PLCG2: variants seen among roughly 807,000 people sequenced by gnomAD.
The protein encoded by PLCG2 is phospholipase C gamma 2.
A neutral mutation model predicts 175.6 loss-of-function variants in PLCG2; 69 were observed. The observed-to-expected ratio is 0.39, with a 90% CI of 0.32 to 0.48. PLCG2 has a LOEUF of 0.48. Among genes scored for constraint, PLCG2 ranks in the 20% least tolerant of loss-of-function variants. The probability of loss-of-function intolerance (pLI) is 0.91; values close to 1 mark genes in which losing one functional copy is unlikely to be tolerated. For missense variants in PLCG2, 1,798 were observed against 1,650.9 expected, an observed-to-expected ratio of 1.09 and a Z score of -1.54; for synonymous variants, 827 against 624.0, an observed-to-expected ratio of 1.33 and a Z score of -4.85.
chr16:81,928,515 T>C (rs780532417), intron 23 of PLCG2, 43 bp from the exon 24 acceptor site: 32 of 1,246,126 alleles, frequency 2.6e-5, no homozygotes, highest in Non-Finnish European at 3.6e-5. Context: ...CTTTTTATTA[T>C]TCCCGTTACA....
rs1275687800 is a variant in PLCG2 at position 81,859,159 on chromosome 16, A to C, written c.475A>C (p.Asn159His). ...QIYSVDQTRR[N>H]SISLRELKTI... ...ATATTCTGTGGATCAAACCAGAAGA[A>C]ACAGGTAAGAGTCATTCAGTTTTTT... Residue 159 changes from asparagine (N) to histidine (H), a missense_variant, in exon 5 of 33, where the codon AAC (asparagine) becomes CAC (histidine). Transcript: ENST00000564138. The C allele has an allele frequency of 1.0e-5, 16 of 1,589,466 alleles. No homozygotes were observed. Among genetic ancestry groups the C allele is most frequent in the Non-Finnish European group, 1.3e-5 (15 of 1,157,638 alleles).
At chr16:81,776,435 T>C (rs1204046565), upstream of PLCG2, among the ~76,000 whole-genome samples, 1 of 151,940 alleles carries the variant, frequency 6.6e-6, no homozygotes, top group Non-Finnish European at 1.5e-5. Flanking sequence ...CCTACCTATT[T>C]TATTCCATGG....
At chr16:81,842,400 C>T (rs565785907) in intron 2 of PLCG2, among the ~76,000 whole-genome samples, 13 of 152,276 alleles carry the variant, frequency 8.5e-5, no homozygotes, top group Admixed American at 6.5e-4. Flanking sequence ...GACTCGGAGC[C>T]GTCTGAGGGC....
chr16:81,831,605 A>G (rs1393720278), intron 2 of PLCG2, among the ~76,000 whole-genome samples: 1 of 152,180 alleles, frequency 6.6e-6, no homozygotes, highest in Admixed American at 6.5e-5. Context: ...GTGCTGGGAA[A>G]GAGGGAGGCA....
intron 16 of PLCG2, 142 bp downstream of exon 16, chr16:81,907,916 G>T: frequency 1.6e-6 from 1 of 615,448 alleles, no homozygotes; most frequent in Non-Finnish European, 2.9e-6. Flanking sequence ...GATACTCTGG[G>T]TACCATGTCC....
chr16:81,934,322 C>A, intron 25 of PLCG2, 107 bp from the exon 26 acceptor site: 2 of 683,834 alleles, frequency 2.9e-6, no homozygotes, highest in Non-Finnish European at 5.3e-6. Flanking sequence ...ATTAAAGATC[C>A]GAGTGTGCAA....
At chr16:81,911,575 A>G (rs1035896636) in intron 18 of PLCG2, among the ~76,000 whole-genome samples, 1 of 149,794 alleles carries the variant, frequency 6.7e-6, no homozygotes, top group Non-Finnish European at 1.5e-5. Context: ...CTGGGACTGC[A>G]GGTGTGTGCC....
intron 32 of PLCG2, among the ~76,000 whole-genome samples, chr16:81,957,354 CTT>C: frequency 6.6e-6 from 1 of 152,296 alleles, no homozygotes; most frequent in East Asian, 1.9e-4. Flanking sequence ...CTCTAGTTCT[CTT>C]TGTTCTAGAA....
At chr16:81,871,885 G>C (rs1907535190) in intron 7 of PLCG2, among the ~76,000 whole-genome samples, 1 of 152,058 alleles carries the variant, frequency 6.6e-6, no homozygotes, top group Non-Finnish European at 1.5e-5. Context: ...GGTAAATTAT[G>C]GTCTATCCAT....
chr16:81,803,200 G>C (rs1201893402), intron 2 of PLCG2, among the ~76,000 whole-genome samples: 1 of 144,604 alleles, frequency 6.9e-6, no homozygotes, highest in South Asian at 2.2e-4. Flanking sequence ...CTCACTGCAA[G>C]CTCTGCCTCA....
chr16:81,776,187 C>A (rs1000170221), upstream of PLCG2, among the ~76,000 whole-genome samples: 1 of 150,036 alleles, frequency 6.7e-6, no homozygotes, highest in African/African-American at 2.5e-5. Flanking sequence ...CGGCTCACTG[C>A]AAGCTCCACC....
chr16:81,953,943 CAG>C lies in PLCG2; in HGVS notation c.3571-2750_3571-2749del, dbSNP rs1350530796. 2.6e-5 allele frequency among the ~76,000 whole-genome samples: 4 copies of C among 152,304 alleles called. No individual in the cohort carries two copies. In the East Asian group the frequency reaches 7.7e-4, roughly 29 times the overall value. Reference sequence around the variant, plus strand: ...ATACCCATTATATAGAATAAAACAACAGAAGCCATTTTCTTCTAGGTGCAGAA... The same window carrying C: ...ATACCCATTATATAGAATAAAACAACAAGCCATTTTCTTCTAGGTGCAGAA... On this transcript the variant is annotated intron_variant, in intron 31 of 32. Transcript: ENST00000564138.
At position 81,961,938 on chromosome 16, in the gene PLCG2, G is replaced by T. The variant is rs12149470; in HGVS notation, c.*3940G>T. The T allele has an allele frequency of 0.17, 33,077 of 197,470 alleles. 3,492 individuals carry two copies. The highest frequency in any genetic ancestry group is 0.32 in the East Asian group (3,978 of 12,556). 12.2% of individuals were successfully genotyped at this position (197,470 alleles called of 1,614,324 possible). A position where few individuals can be genotyped will look rare whatever the true frequency, so the allele number is the denominator to read the frequency against. On this transcript the variant is annotated 3_prime_UTR_variant, in exon 33 of 33. Coordinates refer to ENST00000564138, the MANE Select transcript of PLCG2 (RefSeq NM_002661.5). Reference sequence around the variant, plus strand: ...AAGATTGCTGATCGGATGTGAGGGCGATCTGGCTGCGACATCTGTCACCCC... The same window carrying T: ...AAGATTGCTGATCGGATGTGAGGGCTATCTGGCTGCGACATCTGTCACCCC...
intron 2 of PLCG2, 78 bp from the exon 3 acceptor site, chr16:81,854,366 T>A: frequency 7.5e-7 from 1 of 1,336,864 alleles, no homozygotes; most frequent in Non-Finnish European, 1.1e-6. Flanking sequence ...AGGCTGTGCC[T>A]GGGCTGCAGT....
At chr16:81,754,914 C>A (rs1241759020) in intron 1 of PLCG2, among the ~76,000 whole-genome samples, 1 of 152,096 alleles carries the variant, frequency 6.6e-6, no homozygotes, top group African/African-American at 2.4e-5. Context: ...CAGTGACTCC[C>A]ACAAAGGTCA....
At chr16:81,797,513 T>G (rs1306897524) in intron 2 of PLCG2, among the ~76,000 whole-genome samples, 1 of 152,124 alleles carries the variant, frequency 6.6e-6, no homozygotes, top group Non-Finnish European at 1.5e-5. Flanking sequence ...AGACTAAGAG[T>G]GCTGGGAGGC....
At chr16:81,896,425 C>G (rs1017293781) in intron 13 of PLCG2, among the ~76,000 whole-genome samples, 1 of 121,062 alleles carries the variant, frequency 8.3e-6, no homozygotes. Flanking sequence ...CACACACACA[C>G]AAATCATCTG....
intron 2 of PLCG2, among the ~76,000 whole-genome samples, chr16:81,817,756 G>C (rs1012075710): frequency 6.6e-6 from 1 of 152,182 alleles, no homozygotes; most frequent in East Asian, 1.9e-4. Flanking sequence ...CAGAGAGCTG[G>C]GGTTACAGGC....
At chr16:81,800,318 T>C (rs1911664408) in intron 2 of PLCG2, among the ~76,000 whole-genome samples, 1 of 152,186 alleles carries the variant, frequency 6.6e-6, no homozygotes, top group Non-Finnish European at 1.5e-5. Context: ...CACCTAGATA[T>C]TAAGCCCTGC....
Sources: allele counts gnomAD v4.1 joint callset (sites outside exome capture counted in the v4.1 genomes callset), GRCh38; gene constraint gnomAD v4.1.1; transcripts MANE v1.5; gene names NCBI Gene and HGNC (gene_info 2026-07-23, HGNC 2026-07-21).